ANKS1A: variants seen among roughly 807,000 people sequenced by gnomAD.
ANKS1A encodes the protein ankyrin repeat and sterile alpha motif domain containing 1A.
In ANKS1A, 55 loss-of-function variants were observed where a neutral mutation model predicts 120.3. The ratio of observed to expected loss-of-function variants is 0.46; its 90% CI spans 0.37 to 0.57. The LOEUF is 0.57. ANKS1A is among the 20% of genes least tolerant of loss of function. The pLI is 0.00. For synonymous variants in ANKS1A, 590 were observed against 604.7 expected (o/e 0.98, Z 0.36); for missense variants, 1,123 against 1,480.3 (o/e 0.76, Z 3.96).
At position 35,086,585 on chromosome 6, in the gene ANKS1A, G is replaced by GTGA. The variant is rs1777997523; in HGVS notation, c.3304-366_3304-364dup. Among the ~76,000 whole-genome samples, 1 of 151,956 alleles carries GTGA rather than the reference G, an allele frequency of 6.6e-6. No homozygotes were observed. The highest frequency in any genetic ancestry group is 1.5e-5 in the Non-Finnish European group (1 of 68,000). ...GTGACTGCTGTGGTCTTGCCTTGGGGTGAGCTCTCTGGGCCTACCAGAGAG... is the reference window on the plus strand; with the variant it reads ...GTGACTGCTGTGGTCTTGCCTTGGGGTGATGAGCTCTCTGGGCCTACCAGAGAG... On this transcript the variant is annotated intron_variant, in intron 22 of 23. Transcript: ENST00000360359. The surrounding 1 kb of genome is among the most constrained non-coding windows in gnomAD (Gnocchi z 5.1).
chr6:35,033,814 T>G (rs572983474), intron 11 of ANKS1A, among the ~76,000 whole-genome samples: 3 of 152,330 alleles, frequency 2.0e-5, no homozygotes, highest in Admixed American at 6.5e-5. Flanking sequence ...CTCTCTGTGC[T>G]CTGGAAGGGG....
chr6:34,921,669 G>A (rs1452750531), intron 1 of ANKS1A, among the ~76,000 whole-genome samples: 4 of 152,142 alleles, frequency 2.6e-5, no homozygotes, highest in Non-Finnish European at 5.9e-5. Flanking sequence ...CAAGCTGAGG[G>A]GCACAAGGAC....
chr6:35,051,954 G>A (rs1049563335), intron 11 of ANKS1A, among the ~76,000 whole-genome samples: 1 of 152,160 alleles, frequency 6.6e-6, no homozygotes, highest in African/African-American at 2.4e-5. Context: ...GGTGCTTTAT[G>A]TACATGATAT....
chr6:35,097,147 C>A, the ANKS1A span, among the ~76,000 whole-genome samples: 1 of 152,072 alleles, frequency 6.6e-6, no homozygotes, highest in African/African-American at 2.4e-5. Flanking sequence ...TTAGGTTTGT[C>A]TAACAACCAC....
chr6:34,935,088 T>C (rs1394490276), intron 1 of ANKS1A, among the ~76,000 whole-genome samples: 1 of 152,194 alleles, frequency 6.6e-6, no homozygotes, highest in African/African-American at 2.4e-5. Context: ...GATAGGCTGG[T>C]TCCCTCTTGT....
chr6:35,090,688 T>A lies in ANKS1A; in HGVS notation c.*2079T>A, dbSNP rs1274679143. On this transcript the variant is annotated 3_prime_UTR_variant, in exon 24 of 24. Coordinates refer to ENST00000360359, the MANE Select transcript of ANKS1A (RefSeq NM_015245.3). ...TCTCCCTTTCCTAGAAAGGTTATTA[T>A]AACTTTAAGGACAGGCTTCAAGTGG... The A allele has an allele frequency of 2.5e-5, 25 of 989,170 alleles. No individual in the cohort carries two copies. The highest frequency in any genetic ancestry group is 3.0e-5 in the Non-Finnish European group (25 of 832,550). 61.3% of individuals were successfully genotyped at this position (989,170 alleles called of 1,614,324 possible).
chr6:34,943,835 T>C (rs1769648506), intron 1 of ANKS1A, among the ~76,000 whole-genome samples: 1 of 152,248 alleles, frequency 6.6e-6, no homozygotes, highest in African/African-American at 2.4e-5. Context: ...GTTTTGGCAG[T>C]TATGAATAGA....
At chr6:34,965,556 G>T (rs1042543754) in intron 1 of ANKS1A, among the ~76,000 whole-genome samples, 1 of 151,966 alleles carries the variant, frequency 6.6e-6, no homozygotes, top group African/African-American at 2.4e-5. Flanking sequence ...TCCCTATGTT[G>T]GTCAGGCTGG....
At chr6:34,999,838 G>A (rs1171178781) in intron 10 of ANKS1A, among the ~76,000 whole-genome samples, 1 of 152,004 alleles carries the variant, frequency 6.6e-6, no homozygotes. Flanking sequence ...CAGAGAGAAA[G>A]AGAGGAAAAG....
intron 10 of ANKS1A, 40 bp from the exon 11 acceptor site, chr6:35,017,433 G>A (rs773640942): frequency 3.2e-6 from 5 of 1,541,844 alleles, no homozygotes; most frequent in South Asian, 2.5e-5. Context: ...TTTTTGCCAC[G>A]TTTAATTTTT....
At position 35,090,237 on chromosome 6, in the gene ANKS1A, G is replaced by A. The variant is rs757131280; in HGVS notation, c.*1628G>A. ...TTCCTGCCCCTTTCAGGGCCTGTGAGGATGCCCATGAGCTACCGCTGTACA... is the reference window on the plus strand; with the variant it reads ...TTCCTGCCCCTTTCAGGGCCTGTGAAGATGCCCATGAGCTACCGCTGTACA... On this transcript the variant is annotated 3_prime_UTR_variant, in exon 24 of 24. Transcript: ENST00000360359. The A allele has an allele frequency of 7.8e-7, 1 of 1,289,548 alleles. No individual in the cohort carries two copies. Among genetic ancestry groups the A allele is most frequent in the Non-Finnish European group, 1.0e-6 (1 of 988,896 alleles). The allele number at this position is 1,289,548 out of a possible 1,614,324, so 79.9% of individuals were successfully genotyped here.
chr6:35,018,983 C>T (rs544970877), intron 11 of ANKS1A, among the ~76,000 whole-genome samples: 2 of 152,286 alleles, frequency 1.3e-5, no homozygotes, highest in African/African-American at 4.8e-5. Context: ...GCCCATCCCA[C>T]ATTCCCAGAT....
downstream of ANKS1A, among the ~76,000 whole-genome samples, chr6:35,093,515 C>G (rs964529136): frequency 2.0e-5 from 3 of 152,030 alleles, no homozygotes; most frequent in African/African-American, 7.2e-5. Context: ...TCTATAAAAA[C>G]TAAACATTTC....
At chr6:35,083,062 A>G in intron 18 of ANKS1A, 93 bp from the exon 19 acceptor site, 2 of 1,481,322 alleles carry the variant, frequency 1.4e-6, no homozygotes, top group African/African-American at 1.4e-5. Flanking sequence ...GAGAGGGGTA[A>G]CTACTTGATT....
chr6:34,982,736 C>T lies in ANKS1A; in HGVS notation c.733-16C>T. On this transcript the variant is annotated splice_polypyrimidine_tract_variant and intron_variant, in intron 4 of 23. Transcript: ENST00000360359. This position sits in a 1 kb window ranked among gnomAD's most constrained non-coding sequence, Gnocchi z 4.9. ...TTCTGATGACATCCCGCTCTGCGCT[C>T]TCGTTTGCTTTCCAGACGGAGATGG... 1 of 1,614,242 alleles carries T rather than the reference C, an allele frequency of 6.2e-7. No individual in the cohort carries two copies. Among genetic ancestry groups the T allele is most frequent in the Non-Finnish European group, 8.5e-7 (1 of 1,180,036 alleles).
chr6:34,965,752 C>CT (rs539948587), intron 1 of ANKS1A, among the ~76,000 whole-genome samples: 3,585 of 143,434 alleles, frequency 0.025, 55 homozygotes, highest in South Asian at 0.055. Flanking sequence ...CTGTCATTGT[C>CT]TTTTTTTTTT....
intron 1 of ANKS1A, among the ~76,000 whole-genome samples, chr6:34,923,222 A>G (rs183830221): frequency 2.0e-5 from 3 of 152,318 alleles, no homozygotes; most frequent in African/African-American, 4.8e-5. Flanking sequence ...AAGTGGGGAA[A>G]AGTGAGTGTT....
At chr6:35,043,583 C>T (rs765904200) in intron 11 of ANKS1A, among the ~76,000 whole-genome samples, 5 of 152,208 alleles carry the variant, frequency 3.3e-5, no homozygotes, top group Non-Finnish European at 7.3e-5. Flanking sequence ...CAGAGGCTTT[C>T]CACATGTGCC....
chr6:35,091,822 G>A (rs1778316324), downstream of ANKS1A, among the ~76,000 whole-genome samples: 1 of 152,210 alleles, frequency 6.6e-6, no homozygotes, highest in Non-Finnish European at 1.5e-5. Flanking sequence ...TGCTTGGATT[G>A]CAGAGGTTAA....
Sources: gnomAD v4.1 joint callset for allele counts (sites outside exome capture counted in the v4.1 genomes callset) on GRCh38, gnomAD v4.1.1 for gene constraint, Gnocchi (gnomAD v3.1) non-coding constraint, MANE v1.5 for transcripts, NCBI Gene and HGNC (gene_info 2026-07-23, HGNC 2026-07-21) for gene names.